The following HELZ variants were observed in gnomAD, a reference collection of about 807,000 sequenced individuals.
The protein encoded by HELZ is ATP-dependent RNA helicase with zinc finger domain.
HELZ carries 23 observed loss-of-function variants against 218.2 expected under a neutral mutation model. That is an observed-to-expected ratio of 0.11 (90% confidence interval 0.08 to 0.15). HELZ has a LOEUF of 0.15. Ranked by LOEUF, HELZ falls within the 10% of genes least tolerant of loss-of-function variation. The pLI is 1.00. For synonymous variants in HELZ, 814 were observed against 829.4 expected, an observed-to-expected ratio of 0.98 and a Z score of 0.32; for missense variants, 1,813 against 2,353.7, an observed-to-expected ratio of 0.77 and a Z score of 4.75.
chr17:67,126,113 A>G (rs552276745), intron 24 of HELZ, among the ~76,000 whole-genome samples: 54 of 152,352 alleles, frequency 3.5e-4, no homozygotes, highest in Admixed American at 2.1e-3. Context: ...CAGAAAGCCA[A>G]TATCTTGATG....
intron 27 of HELZ, among the ~76,000 whole-genome samples, chr17:67,119,336 T>C (rs370484449): frequency 1.2e-4 from 18 of 152,262 alleles, no homozygotes; most frequent in African/African-American, 3.6e-4. Context: ...AACTGACACA[T>C]ATAATCTGGT....
intron 30 of HELZ, among the ~76,000 whole-genome samples, 198 bp from the exon 31 acceptor site, chr17:67,107,883 A>G (rs2037157522): frequency 6.6e-6 from 1 of 152,168 alleles, no homozygotes; most frequent in African/African-American, 2.4e-5. Flanking sequence ...CAATTACCTG[A>G]TTTCTTTCTG....
At chr17:67,170,173 G>C (rs747622883) in intron 13 of HELZ, among the ~76,000 whole-genome samples, 2 of 152,098 alleles carry the variant, frequency 1.3e-5, no homozygotes, top group Non-Finnish European at 2.9e-5. Context: ...CTTCAGTTCT[G>C]GAGTCTCAGG....
At chr17:67,096,348 G>A (rs930613845) in intron 31 of HELZ, among the ~76,000 whole-genome samples, 3 of 152,158 alleles carry the variant, frequency 2.0e-5, no homozygotes, top group African/African-American at 7.2e-5. Context: ...TTCACCAGCT[G>A]CATTAGTTCC....
At chr17:67,210,598 T>G (rs955599205) in intron 5 of HELZ, among the ~76,000 whole-genome samples, 1 of 152,232 alleles carries the variant, frequency 6.6e-6, no homozygotes, top group Non-Finnish European at 1.5e-5. Context: ...CTTTTGATTT[T>G]ACTTTCTCCA....
chr17:67,189,536 C>A (rs566577203), intron 11 of HELZ, 53 bp downstream of exon 11: 4 of 1,156,218 alleles, frequency 3.5e-6, no homozygotes, highest in East Asian at 2.3e-5. Flanking sequence ...GTCAAAAAAA[C>A]GTTCAGAAAA....
intron 14 of HELZ, 76 bp from the exon 15 acceptor site, chr17:67,166,684 G>A: frequency 7.6e-7 from 1 of 1,308,690 alleles, no homozygotes; most frequent in Non-Finnish European, 1.1e-6. Context: ...GAATACTTTG[G>A]GAGGAATCTG....
chr17:67,148,477 A>T, intron 20 of HELZ, 92 bp downstream of exon 20: 1 of 1,030,272 alleles, frequency 9.7e-7, no homozygotes, highest in South Asian at 1.8e-5. Flanking sequence ...GTGTGTTGGG[A>T]ATCATCTGTC....
Position 67,072,771 on chromosome 17 carries a change from C to T in HELZ, c.*5481G>A, listed in dbSNP as rs1166562860. 6.6e-6 allele frequency: 1 copy of T among 152,172 alleles called. No individual in the cohort carries two copies. Among genetic ancestry groups the T allele is most frequent in the Non-Finnish European group, 1.5e-5 (1 of 68,032 alleles). 9.4% of individuals were successfully genotyped at this position (152,172 alleles called of 1,614,324 possible). A position where few individuals can be genotyped will look rare whatever the true frequency, so the allele number is the denominator to read the frequency against. On this transcript the variant is annotated 3_prime_UTR_variant, in exon 33 of 33. Coordinates refer to ENST00000358691, the MANE Select transcript of HELZ (RefSeq NM_014877.4). The stretch of plus-strand genomic sequence containing the variant: ...GATTTATAAAAATGTCTCCAGAGAT[C>T]AGTTTTTTACACTGAGTAAATAAAT...
intron 2 of HELZ, chr17:67,239,854 C>T (rs773045585): frequency 2.0e-5 from 3 of 152,174 alleles, no homozygotes; most frequent in Non-Finnish European, 4.4e-5. Context: ...CGTGACGTTA[C>T]ATTAGTTGAG....
At chr17:67,185,389 A>G (rs2039727146) in intron 12 of HELZ, among the ~76,000 whole-genome samples, 1 of 152,230 alleles carries the variant, frequency 6.6e-6, no homozygotes, top group East Asian at 1.9e-4. Context: ...TTATTTCTTT[A>G]CAATTCTGTT....
intron 13 of HELZ, among the ~76,000 whole-genome samples, chr17:67,168,861 G>A (rs912250294): frequency 6.6e-6 from 1 of 152,158 alleles, no homozygotes; most frequent in African/African-American, 2.4e-5. Context: ...GGAGGCTAAG[G>A]CGGGCAGATC....
At chr17:67,144,895 G>A (rs767846787) in intron 21 of HELZ, among the ~76,000 whole-genome samples, 1 of 152,162 alleles carries the variant, frequency 6.6e-6, no homozygotes, top group Non-Finnish European at 1.5e-5. Context: ...TAACCAAAAT[G>A]TCAAGTTTCT....
At chr17:67,195,574 C>A in intron 7 of HELZ, 104 bp from the exon 8 acceptor site, 1 of 668,850 alleles carries the variant, frequency 1.5e-6, no homozygotes, top group South Asian at 1.9e-5. Context: ...TTGGAATACT[C>A]AGAAATTTTT....
chr17:67,154,969 A>G (rs2038796477), intron 17 of HELZ, among the ~76,000 whole-genome samples: 1 of 152,230 alleles, frequency 6.6e-6, no homozygotes, highest in African/African-American at 2.4e-5. Flanking sequence ...AATACTAAAG[A>G]AAAACTATGC....
In HELZ at chr17:67,188,655, G is replaced by C; in HGVS notation, c.865-39C>G. On this transcript the variant is annotated intron_variant, in intron 11 of 32. Transcript: ENST00000358691. The surrounding 1 kb of genome is among the most constrained non-coding windows in gnomAD (Gnocchi z 4.1). ...AAAATAATTCATTGAGTACAAGGGG[G>C]TGAAAAATCCAATTGTAATTGGGCT... 1 of 1,512,832 alleles carries C rather than the reference G, an allele frequency of 6.6e-7. No homozygotes were observed. Among genetic ancestry groups the C allele is most frequent in the Non-Finnish European group, 9.0e-7 (1 of 1,111,846 alleles). The allele number at this position is 1,512,832 out of a possible 1,614,324, so 93.7% of individuals were successfully genotyped here. A position where few individuals can be genotyped will look rare whatever the true frequency, so the allele number is the denominator to read the frequency against.
At chr17:67,179,511 C>CA (rs1469625974) in intron 12 of HELZ, 3 of 152,076 alleles carry the variant, frequency 2.0e-5, no homozygotes, top group South Asian at 2.1e-4. Flanking sequence ...ATGTCATTTC[C>CA]AAAAAATCCA....
At chr17:67,222,344 C>T (rs953943860) in intron 3 of HELZ, among the ~76,000 whole-genome samples, 8 of 152,050 alleles carry the variant, frequency 5.3e-5, no homozygotes, top group African/African-American at 1.7e-4. Flanking sequence ...CTAGCTAAAC[C>T]GTAAATCTGG....
chr17:67,084,636 C>G (rs1310741571), intron 32 of HELZ, among the ~76,000 whole-genome samples: 1 of 146,836 alleles, frequency 6.8e-6, no homozygotes, highest in African/African-American at 2.5e-5. Flanking sequence ...GCACTCCAGC[C>G]TGGGCGACAG....
Sources: gnomAD v4.1 joint callset for allele counts (sites outside exome capture counted in the v4.1 genomes callset) on GRCh38, gnomAD v4.1.1 for gene constraint, Gnocchi (gnomAD v3.1) non-coding constraint, MANE v1.5 for transcripts, NCBI Gene and HGNC (gene_info 2026-07-23, HGNC 2026-07-21) for gene names.